CEP128: variants seen among roughly 807,000 people sequenced by gnomAD.
CEP128 encodes the protein centrosomal protein 128kDa.
In CEP128, 132 loss-of-function variants were observed where a neutral mutation model predicts 156.7. The ratio of observed to expected loss-of-function variants is 0.84; its 90% CI spans 0.73 to 0.97. CEP128 has a LOEUF of 0.97. CEP128 is among the 50% of genes least tolerant of loss of function. The pLI is 0.00. For missense variants in CEP128, 1,252 were observed against 1,281.9 expected (o/e 0.98, Z 0.36); for synonymous variants, 469 against 448.9 (o/e 1.04, Z -0.57).
intron 12 of CEP128, among the ~76,000 whole-genome samples, chr14:80,832,416 A>AG (rs1418124226): frequency 6.6e-6 from 1 of 152,208 alleles, no homozygotes; most frequent in Non-Finnish European, 1.5e-5. Context: ...CAATGAAAGA[A>AG]GAAAACACTA....
intron 24 of CEP128, among the ~76,000 whole-genome samples, chr14:80,504,417 G>A (rs761138551): frequency 6.6e-6 from 1 of 152,164 alleles, no homozygotes; most frequent in Non-Finnish European, 1.5e-5. Context: ...GGGATAGATC[G>A]TGGCAGATGG....
At chr14:80,916,270 ATT>A in intron 3 of CEP128, 129 bp downstream of exon 3, 1 of 731,658 alleles carries the variant, frequency 1.4e-6, no homozygotes, top group East Asian at 2.5e-5. Flanking sequence ...AAGATAATAA[ATT>A]TGTGTTGTTT....
chr14:80,754,771 C>T (rs959145040), intron 18 of CEP128, among the ~76,000 whole-genome samples: 8 of 152,130 alleles, frequency 5.3e-5, no homozygotes, highest in African/African-American at 1.9e-4. Flanking sequence ...ACGTCTTGTT[C>T]ATTTTTTATG....
intron 19 of CEP128, among the ~76,000 whole-genome samples, chr14:80,697,379 T>A (rs1015409340): frequency 3.3e-5 from 5 of 152,104 alleles, no homozygotes; most frequent in African/African-American, 1.2e-4. Flanking sequence ...TGATTATGTA[T>A]CCCAAAATAT....
intron 2 of CEP128, among the ~76,000 whole-genome samples, chr14:80,949,865 C>A (rs1460413394): frequency 6.6e-6 from 1 of 152,068 alleles, no homozygotes; most frequent in East Asian, 1.9e-4. Context: ...ATCAACCAAT[C>A]TAAACTGACC....
chr14:80,860,121 A>G (rs1457721904), intron 9 of CEP128, among the ~76,000 whole-genome samples: 1 of 152,160 alleles, frequency 6.6e-6, no homozygotes, highest in African/African-American at 2.4e-5. Flanking sequence ...ATTTTTAATA[A>G]AAAGAAGGGA....
intron 8 of CEP128, among the ~76,000 whole-genome samples, chr14:80,881,511 C>CTTA (rs1888551724): frequency 1.3e-5 from 2 of 151,960 alleles, no homozygotes; most frequent in Non-Finnish European, 1.5e-5. Context: ...CTAATACTTA[C>CTTA]CCTATTCAAC....
chr14:80,902,208 C>T (rs1283490357), intron 6 of CEP128, among the ~76,000 whole-genome samples: 1 of 152,170 alleles, frequency 6.6e-6, no homozygotes, highest in Non-Finnish European at 1.5e-5. Flanking sequence ...CTAGCTCCTC[C>T]TCTAGAATAT....
intron 21 of CEP128, among the ~76,000 whole-genome samples, chr14:80,539,455 G>A (rs954921795): frequency 7.2e-5 from 11 of 152,180 alleles, no homozygotes; most frequent in African/African-American, 2.7e-4. Flanking sequence ...ACATTTATCA[G>A]TTCCCAAATA....
chr14:80,602,305 C>T (rs1289558447), intron 19 of CEP128, among the ~76,000 whole-genome samples: 2 of 152,108 alleles, frequency 1.3e-5, no homozygotes, highest in Non-Finnish European at 2.9e-5. Context: ...AACAAATAAA[C>T]ATTTGAAGAA....
At chr14:80,491,703 C>T (rs959160184), downstream of CEP128, among the ~76,000 whole-genome samples, 11 of 152,240 alleles carry the variant, frequency 7.2e-5, no homozygotes, top group Admixed American at 6.5e-4. Context: ...GCACCCAGAC[C>T]CAAACTGCTA....
intron 23 of CEP128, among the ~76,000 whole-genome samples, chr14:80,509,100 C>G (rs1011740446): frequency 6.6e-6 from 1 of 152,134 alleles, no homozygotes; most frequent in Non-Finnish European, 1.5e-5. Context: ...ATCACAAGAA[C>G]AGCATGGGGA....
intron 12 of CEP128, among the ~76,000 whole-genome samples, chr14:80,831,700 A>C (rs1885810833): frequency 6.6e-6 from 1 of 152,098 alleles, no homozygotes; most frequent in African/African-American, 2.4e-5. Flanking sequence ...AAATGATGCT[A>C]TTAAATCTCT....
intron 9 of CEP128, among the ~76,000 whole-genome samples, chr14:80,841,510 T>C (rs1419236298): frequency 6.6e-6 from 1 of 152,100 alleles, no homozygotes; most frequent in African/African-American, 2.4e-5. Context: ...TAATTTTGAT[T>C]TGAGAATAAC....
Position 80,589,622 on chromosome 14 carries a change from C to T in CEP128, c.2807-9199G>A, listed in dbSNP as rs767743060. ...CGTTTAGCTCCTCAAAAATTTCTTA[C>T]TGAGTTGCCTAAAATTATCCCCACT... On this transcript the variant is annotated intron_variant, in intron 19 of 24. Transcript: ENST00000555265. 7.1e-4 allele frequency among the ~76,000 whole-genome samples: 108 copies of T among 152,090 alleles called. 3 individuals are homozygous for T. The highest frequency in any genetic ancestry group is 2.2e-4 in the Non-Finnish European group (15 of 67,982).
rs1343838528 is a variant in CEP128 at position 80,590,646 on chromosome 14, A to G, written c.2807-10223T>C. 6.6e-5 allele frequency among the ~76,000 whole-genome samples: 10 copies of G among 152,246 alleles called. No homozygotes were observed. In the East Asian group the frequency reaches 1.9e-3, roughly 29 times the overall value. ...GACATAAGAGAAAGAATATTAGAAGAGGAGAAAAAAAAGAAAGAACACAAT... is the reference window on the plus strand; with the variant it reads ...GACATAAGAGAAAGAATATTAGAAGGGGAGAAAAAAAAGAAAGAACACAAT... On this transcript the variant is annotated intron_variant, in intron 19 of 24. Coordinates refer to ENST00000555265, the MANE Select transcript of CEP128 (RefSeq NM_152446.5).
chr14:80,830,979 G>C, intron 13 of CEP128, 164 bp downstream of exon 13: 1 of 618,748 alleles, frequency 1.6e-6, no homozygotes, highest in Non-Finnish European at 2.8e-6. Context: ...TGAACCCATA[G>C]GAATTTCTAC....
Position 80,887,171 on chromosome 14 carries a change from T to G in CEP128, c.645+8547A>C, listed in dbSNP as rs117879017. Reference sequence around the variant, plus strand: ...CAAAGAGACTTGGATTCCCACACAATAATAGTGGGAGACTTTAACATCCCA... The same window carrying G: ...CAAAGAGACTTGGATTCCCACACAAGAATAGTGGGAGACTTTAACATCCCA... On this transcript the variant is annotated intron_variant, in intron 8 of 24. Transcript: ENST00000555265. 5.9e-5 allele frequency among the ~76,000 whole-genome samples: 9 copies of G among 152,238 alleles called. No homozygotes were observed. In the East Asian group the frequency reaches 1.7e-3, roughly 29 times the overall value.
At chr14:80,824,826 G>T (rs535740681) in intron 13 of CEP128, among the ~76,000 whole-genome samples, 30 of 152,206 alleles carry the variant, frequency 2.0e-4, no homozygotes, top group African/African-American at 7.2e-4. Flanking sequence ...CAGTTCCAAA[G>T]TTGCCTCAAC....
Sources: gnomAD v4.1 joint callset for allele counts (sites outside exome capture counted in the v4.1 genomes callset) on GRCh38, gnomAD v4.1.1 for gene constraint, MANE v1.5 for transcripts, NCBI Gene and HGNC (gene_info 2026-07-23, HGNC 2026-07-21) for gene names.